The following CFDP1 variants were observed in gnomAD, a reference collection of about 807,000 sequenced individuals.
The protein encoded by CFDP1 is chromatin remodeling protein CFDP1, also known as heterochromatin-stabilizing protein CFDP1.
Under a neutral mutation model 40.1 loss-of-function variants are expected in CFDP1, and 31 were observed. The ratio of observed to expected loss-of-function variants is 0.77; its 90% CI spans 0.58 to 1.04. CFDP1 has a LOEUF of 1.04. CFDP1 is among the 50% of genes least tolerant of loss of function. CFDP1 has a pLI of 0.00. For missense variants in CFDP1, 423 were observed against 343.4 expected, an observed-to-expected ratio of 1.23 and a Z score of -1.83; for synonymous variants, 167 against 120.0, an observed-to-expected ratio of 1.39 and a Z score of -2.56.
chr16:75,304,840 C>G (rs773876111), intron 6 of CFDP1, among the ~76,000 whole-genome samples, 184 bp downstream of exon 6: 6 of 152,224 alleles, frequency 3.9e-5, no homozygotes, highest in Non-Finnish European at 7.3e-5. Flanking sequence ...CCCGCAGTGG[C>G]CTTCCCAGTG....
intron 5 of CFDP1, among the ~76,000 whole-genome samples, chr16:75,365,856 C>T (rs921787243): frequency 2.0e-5 from 3 of 152,180 alleles, no homozygotes; most frequent in African/African-American, 7.2e-5. Context: ...GTACCACTAC[C>T]CATCTGCTAG....
In CFDP1 at chr16:75,361,476, G is replaced by C. The variant is rs1007599706; in HGVS notation, c.650+33614C>G. Among the ~76,000 whole-genome samples the C allele has an allele frequency of 3.9e-5, 6 of 152,234 alleles. No homozygotes were observed. The Middle Eastern group carries it at 0.017, about 432-fold the overall frequency. On this transcript the variant is annotated intron_variant, in intron 5 of 6. Transcript: ENST00000283882. ...CACTAAAAATACAATAATTAGCCAA[G>C]TGTGGTGCCGCACGCCTGTAATCCC... is the stretch of plus-strand genomic sequence containing the variant.
intron 4 of CFDP1, among the ~76,000 whole-genome samples, chr16:75,405,165 G>C (rs2079087623): frequency 6.6e-6 from 1 of 152,138 alleles, no homozygotes; most frequent in Admixed American, 6.5e-5. Context: ...TGCAAGGTGA[G>C]TCACATGTGA....
chr16:75,297,667 T>C (rs2078193664), intron 6 of CFDP1, among the ~76,000 whole-genome samples: 1 of 152,230 alleles, frequency 6.6e-6, no homozygotes, highest in Non-Finnish European at 1.5e-5. Flanking sequence ...CCCTTTCTGC[T>C]TCCATTGCCT....
chr16:75,303,444 C>T (rs1199508218), intron 6 of CFDP1, among the ~76,000 whole-genome samples: 2 of 81,022 alleles, frequency 2.5e-5, no homozygotes, highest in East Asian at 8.0e-4. Flanking sequence ...GAAAAAAAAA[C>T]CATACTGGTC....
chr16:75,337,195 G>A (rs183587015), intron 5 of CFDP1, among the ~76,000 whole-genome samples: 26 of 152,358 alleles, frequency 1.7e-4, no homozygotes, highest in Non-Finnish European at 3.1e-4. Flanking sequence ...CAGCTGAAAG[G>A]GAGAAGACAG....
chr16:75,315,308 G>C (rs1436123066), intron 5 of CFDP1, among the ~76,000 whole-genome samples: 1 of 124,436 alleles, frequency 8.0e-6, no homozygotes, highest in Admixed American at 1.0e-4. Flanking sequence ...CACCAGCCTG[G>C]GTGACAGAGT....
intron 5 of CFDP1, among the ~76,000 whole-genome samples, chr16:75,363,942 AACAC>A (rs10635711): frequency 2.9e-4 from 42 of 142,942 alleles, no homozygotes; most frequent in East Asian, 4.1e-4. Flanking sequence ...AAAGAGGTGA[AACAC>A]ACACACACAC....
chr16:75,378,354 CA>C (rs770923734), intron 5 of CFDP1, among the ~76,000 whole-genome samples: 26 of 152,130 alleles, frequency 1.7e-4, no homozygotes, highest in Non-Finnish European at 2.8e-4. Context: ...CAGACATTTA[CA>C]GTCTGTTTTT....
chr16:75,397,176 A>G (rs1369375689), intron 4 of CFDP1, among the ~76,000 whole-genome samples: 1 of 151,474 alleles, frequency 6.6e-6, no homozygotes, highest in East Asian at 2.0e-4. Context: ...GGCCTCCCAA[A>G]GTGCTGGGAT....
At chr16:75,391,693 G>C (rs897678158) in intron 5 of CFDP1, among the ~76,000 whole-genome samples, 4 of 152,176 alleles carry the variant, frequency 2.6e-5, no homozygotes, top group Non-Finnish European at 5.9e-5. Context: ...GGTCTGGGTG[G>C]CCAGGTGTGG....
At chr16:75,351,275 T>A (rs1399125138) in intron 5 of CFDP1, among the ~76,000 whole-genome samples, 1 of 152,210 alleles carries the variant, frequency 6.6e-6, no homozygotes, top group Non-Finnish European at 1.5e-5. Context: ...TATGTATTGA[T>A]AAATCCTTGA....
intron 1 of CFDP1, among the ~76,000 whole-genome samples, chr16:75,427,756 A>G (rs2079357859): frequency 6.6e-6 from 1 of 152,232 alleles, no homozygotes; most frequent in Non-Finnish European, 1.5e-5. Flanking sequence ...ACTCAAGTGA[A>G]ATGAAAACCC....
chr16:75,337,913 CCT>C lies in CFDP1; in HGVS notation c.651-32733_651-32732del, dbSNP rs776874554. On this transcript the variant is annotated intron_variant, in intron 5 of 6. Transcript: ENST00000283882. ...GAGGAGTTTGCTCGTTTTCCCTTTT[CCT>C]CTCTTTCAAGTGACTTCAGTATCCA... Among the ~76,000 whole-genome samples, 3 of 152,294 alleles carry C rather than the reference CCT, an allele frequency of 2.0e-5. No homozygotes were observed. In the South Asian group the frequency reaches 6.2e-4, roughly 32 times the overall value.
At chr16:75,300,309 CAG>C (rs1054012073) in intron 6 of CFDP1, among the ~76,000 whole-genome samples, 3 of 152,084 alleles carry the variant, frequency 2.0e-5, no homozygotes, top group African/African-American at 7.2e-5. Flanking sequence ...TTTTTTGAGA[CAG>C]AGTTTCGCTC....
At chr16:75,432,587 T>C (rs1055415044) in intron 1 of CFDP1, among the ~76,000 whole-genome samples, 1 of 151,896 alleles carries the variant, frequency 6.6e-6, no homozygotes, top group Non-Finnish European at 1.5e-5. Context: ...ACAAAGAGAA[T>C]AGGGACGACT....
intron 5 of CFDP1, among the ~76,000 whole-genome samples, chr16:75,373,478 C>T (rs2078768546): frequency 6.6e-6 from 1 of 152,084 alleles, no homozygotes; most frequent in Non-Finnish European, 1.5e-5. Flanking sequence ...ATAAATGTCG[C>T]TAAGATAAGA....
intron 5 of CFDP1, among the ~76,000 whole-genome samples, chr16:75,375,120 A>G (rs545406532): frequency 6.6e-6 from 1 of 152,288 alleles, no homozygotes; most frequent in South Asian, 2.1e-4. Context: ...AAACCTAAAC[A>G]TAAAAGCCAG....
chr16:75,390,282 CTT>C (rs2078936129), intron 5 of CFDP1, among the ~76,000 whole-genome samples: 1 of 152,238 alleles, frequency 6.6e-6, no homozygotes, highest in Non-Finnish European at 1.5e-5. Context: ...TTAAACCAAA[CTT>C]TAGTCAGACT....
Sources: gnomAD v4.1 joint callset for allele counts (sites outside exome capture counted in the v4.1 genomes callset) on GRCh38, gnomAD v4.1.1 for gene constraint, MANE v1.5 for transcripts, NCBI Gene and HGNC (gene_info 2026-07-23, HGNC 2026-07-21) for gene names.